The following NREP variants were observed in gnomAD, a reference collection of about 807,000 sequenced individuals.
NREP encodes the protein neuronal regeneration related protein, also known as neuronal regeneration-related protein.
Under a neutral mutation model 8.6 loss-of-function variants are expected in NREP, and 5 were observed. That is an observed-to-expected ratio of 0.58 (90% CI 0.30 to 1.22). NREP has a LOEUF of 1.22. Ranked by LOEUF, NREP falls within the 50% of genes most tolerant of loss-of-function variation. The pLI is 0.07. For missense variants in NREP, 86 were observed against 82.5 expected, an observed-to-expected ratio of 1.04 and a Z score of -0.17; for synonymous variants, 27 against 28.0, an observed-to-expected ratio of 0.96 and a Z score of 0.11.
At chr5:111,955,469 G>GA (rs576072237) in intron 2 of NREP, among the ~76,000 whole-genome samples, 3,425 of 93,414 alleles carry the variant, frequency 0.037, 57 homozygotes, top group Non-Finnish European at 0.038. Context: ...GGCCAATACA[G>GA]AAAAAAAAAA....
At chr5:111,870,337 G>A (rs1753761389) in intron 2 of NREP, among the ~76,000 whole-genome samples, 1 of 152,148 alleles carries the variant, frequency 6.6e-6, no homozygotes, top group Non-Finnish European at 1.5e-5. Flanking sequence ...GCTGAGGAAG[G>A]AGAATCACTT....
At chr5:111,959,004 G>A (rs1364493175) in intron 2 of NREP, among the ~76,000 whole-genome samples, 1 of 151,634 alleles carries the variant, frequency 6.6e-6, no homozygotes, top group East Asian at 1.9e-4. Context: ...AGTACATTTG[G>A]TTTTCAGAAA....
intron 2 of NREP, among the ~76,000 whole-genome samples, chr5:111,901,270 A>C (rs1754639832): frequency 6.6e-6 from 1 of 152,170 alleles, no homozygotes; most frequent in Non-Finnish European, 1.5e-5. Context: ...TACTTTTCTT[A>C]GAAGAAAAAG....
At chr5:111,774,235 A>AGGAAGAAGGGAGGGAG (rs1751305631) in intron 2 of NREP, among the ~76,000 whole-genome samples, 3 of 116,658 alleles carry the variant, frequency 2.6e-5, no homozygotes, top group African/African-American at 1.1e-4. Flanking sequence ...AAGGGAGGGA[A>AGGAAGAAGGGAGGGAG]GGAAGAAGGG....
chr5:111,757,366 T>C, upstream of NREP: 1 of 930,128 alleles, frequency 1.1e-6, no homozygotes, highest in Non-Finnish European at 1.3e-6. Context: ...GAGGAGGAGA[T>C]CATCTCCCTG....
In NREP at chr5:111,976,762, G is replaced by T. The variant is rs369822983; in HGVS notation, c.-23C>A. The T allele has an allele frequency of 3.8e-5, 59 of 1,549,774 alleles. 2 individuals are homozygous for T. The African/African-American group carries it at 4.8e-4, about 13-fold the overall frequency. On this transcript the variant is annotated 5_prime_UTR_variant, in exon 1 of 4. Coordinates refer to the NREP transcript ENST00000395634. ...CATTCCAGTCCTGTTACTGCTTGAGGATAAAGTTCAGTCTTTAAAGGACAA... is the reference window on the plus strand; with the variant it reads ...CATTCCAGTCCTGTTACTGCTTGAGTATAAAGTTCAGTCTTTAAAGGACAA...
At chr5:111,757,496 C>G, upstream of NREP, 3 of 985,056 alleles carry the variant, frequency 3.0e-6, no homozygotes, top group Non-Finnish European at 2.4e-6. Context: ...TCTGATGGAG[C>G]TGGCGCGGAG....
At chr5:111,911,146 C>T (rs910250211) in intron 2 of NREP, among the ~76,000 whole-genome samples, 2 of 151,966 alleles carry the variant, frequency 1.3e-5, no homozygotes, top group Non-Finnish European at 2.9e-5. Context: ...ATCTGGATAT[C>T]ACCCCTGCAC....
At chr5:111,731,073 G>C in intron 3 of NREP, 27 bp from the exon 4 acceptor site, 1 of 1,606,088 alleles carries the variant, frequency 6.2e-7, no homozygotes, top group Non-Finnish European at 8.5e-7. Flanking sequence ...CCCACACACA[G>C]ACAGACACAC....
chr5:111,829,821 T>G (rs1434506838), intron 2 of NREP, among the ~76,000 whole-genome samples: 1 of 152,182 alleles, frequency 6.6e-6, no homozygotes, highest in Non-Finnish European at 1.5e-5. Context: ...TCCTAGCTTT[T>G]TAAACTCAAT....
intron 2 of NREP, among the ~76,000 whole-genome samples, chr5:111,874,400 G>T (rs536958255): frequency 6.6e-6 from 1 of 152,254 alleles, no homozygotes; most frequent in South Asian, 2.1e-4. Flanking sequence ...ATTCTCAAAT[G>T]ACTTTTTCTC....
chr5:111,931,828 C>T (rs370562065), intron 2 of NREP, among the ~76,000 whole-genome samples: 10 of 152,090 alleles, frequency 6.6e-5, no homozygotes, highest in East Asian at 3.9e-4. Context: ...TGAAAGATTG[C>T]GTAATGCTCT....
chr5:111,854,710 A>T (rs1313473691), intron 2 of NREP, among the ~76,000 whole-genome samples: 1 of 152,182 alleles, frequency 6.6e-6, no homozygotes, highest in Non-Finnish European at 1.5e-5. Flanking sequence ...TAAGTGAAAC[A>T]TGAAAATGAA....
rs186263192 is a variant in NREP, at chr5:111,905,341, G to C, written c.135+69933C>G. Among the ~76,000 whole-genome samples, 9 of 152,246 alleles carry C rather than the reference G, an allele frequency of 5.9e-5. No homozygotes were observed. In the East Asian group the frequency reaches 1.4e-3, roughly 23 times the overall value. ...TGCATTCCAACCAGCAAACGAATGAGAGCTCCTCTCACTCCACATCCTTGC... is the reference window on the plus strand; with the variant it reads ...TGCATTCCAACCAGCAAACGAATGACAGCTCCTCTCACTCCACATCCTTGC... On this transcript the variant is annotated intron_variant, in intron 2 of 3. Coordinates refer to the NREP transcript ENST00000395634.
intron 2 of NREP, among the ~76,000 whole-genome samples, chr5:111,914,633 C>T (rs1359765317): frequency 6.6e-6 from 1 of 152,038 alleles, no homozygotes; most frequent in Non-Finnish European, 1.5e-5. Context: ...GTTGTACTCT[C>T]CTGGCAAAAC....
intron 2 of NREP, among the ~76,000 whole-genome samples, chr5:111,815,190 T>C (rs939638246): frequency 6.6e-6 from 1 of 152,110 alleles, no homozygotes; most frequent in South Asian, 2.1e-4. Flanking sequence ...CTGCCCTGGA[T>C]CCACCAAAAA....
chr5:111,803,934 T>C (rs1354384172), intron 2 of NREP, among the ~76,000 whole-genome samples: 1 of 152,196 alleles, frequency 6.6e-6, no homozygotes, highest in Non-Finnish European at 1.5e-5. Context: ...AATAAAGTCA[T>C]GAACATATCA....
intron 2 of NREP, among the ~76,000 whole-genome samples, chr5:111,744,309 AG>A (rs1749865749): frequency 6.6e-6 from 1 of 152,192 alleles, no homozygotes; most frequent in Non-Finnish European, 1.5e-5. Flanking sequence ...AATAGCAAAT[AG>A]TATCATAACA....
chr5:111,904,243 A>G (rs917661125), intron 2 of NREP, among the ~76,000 whole-genome samples: 1 of 152,144 alleles, frequency 6.6e-6, no homozygotes, highest in African/African-American at 2.4e-5. Flanking sequence ...TTTAGGGTTC[A>G]CTTTTGGTTT....
Sources: gnomAD v4.1 joint callset for allele counts (sites outside exome capture counted in the v4.1 genomes callset) on GRCh38, gnomAD v4.1.1 for gene constraint, MANE v1.5 for transcripts, NCBI Gene and HGNC (gene_info 2026-07-23, HGNC 2026-07-21) for gene names.